Variants in EPHB1 observed in about 807,000 individuals in gnomAD.
EPHB1 encodes the protein EPH receptor B1, also known as ephrin type-B receptor 1.
Under a neutral mutation model 94.4 loss-of-function variants are expected in EPHB1, and 30 were observed. That is an observed-to-expected ratio of 0.32 (90% CI 0.24 to 0.43). The LOEUF is 0.43. EPHB1 is among the 20% of genes least tolerant of loss of function. The pLI, the probability that EPHB1 is intolerant of heterozygous loss-of-function variation, is 1.00. For missense variants in EPHB1, 1,055 were observed against 1,308.3 expected (o/e 0.81, Z 2.99); for synonymous variants, 522 against 489.1 (o/e 1.07, Z -0.89).
intron 4 of EPHB1, among the ~76,000 whole-genome samples, chr3:135,130,585 T>C (rs1037940717): frequency 2.0e-5 from 3 of 152,112 alleles, no homozygotes; most frequent in African/African-American, 4.8e-5. Flanking sequence ...TGAGTTTACA[T>C]TGAGAAGCTG....
chr3:135,055,287 A>C (rs1937316623), intron 3 of EPHB1, among the ~76,000 whole-genome samples: 1 of 152,198 alleles, frequency 6.6e-6, no homozygotes, highest in Non-Finnish European at 1.5e-5. Flanking sequence ...CTTAAATCTC[A>C]GTCTGCCTTT....
At chr3:134,804,389 T>G (rs541564002) in intron 1 of EPHB1, among the ~76,000 whole-genome samples, 23 of 151,830 alleles carry the variant, frequency 1.5e-4, no homozygotes, top group African/African-American at 4.8e-4. Context: ...TCCCTTGGCG[T>G]TGGTCCCTCC....
At chr3:135,251,505 A>AAATT (rs1265709458) in intron 15 of EPHB1, among the ~76,000 whole-genome samples, 1 of 152,238 alleles carries the variant, frequency 6.6e-6, no homozygotes, top group African/African-American at 2.4e-5. Context: ...GTGAAACTAT[A>AAATT]AATTAAGGGA....
At chr3:134,984,953 G>A (rs879675039) in intron 3 of EPHB1, among the ~76,000 whole-genome samples, 14 of 152,112 alleles carry the variant, frequency 9.2e-5, no homozygotes, top group Non-Finnish European at 1.9e-4. Flanking sequence ...AGAGAGCTTG[G>A]TGGCATCAAA....
chr3:135,108,916 A>G (rs1939331354), intron 4 of EPHB1, among the ~76,000 whole-genome samples: 1 of 152,186 alleles, frequency 6.6e-6, no homozygotes, highest in Admixed American at 6.5e-5. Flanking sequence ...ACAGACTACC[A>G]GGACAGTGGG....
At chr3:135,038,856 G>A (rs1481087712) in intron 3 of EPHB1, among the ~76,000 whole-genome samples, 1 of 150,274 alleles carries the variant, frequency 6.7e-6, no homozygotes, top group Admixed American at 6.6e-5. Flanking sequence ...CCAGCGGGTT[G>A]CCAATGCTGG....
intron 12 of EPHB1, among the ~76,000 whole-genome samples, chr3:135,205,566 A>G (rs1942879853): frequency 6.6e-6 from 1 of 152,136 alleles, no homozygotes; most frequent in Non-Finnish European, 1.5e-5. Context: ...TTTGTTTTAT[A>G]TTTGAATATT....
chr3:135,106,391 AAG>A, intron 3 of EPHB1, 55 bp from the exon 4 acceptor site: 1 of 1,596,616 alleles, frequency 6.3e-7, no homozygotes, highest in Non-Finnish European at 8.6e-7. Context: ...GGTTGTAGGG[AAG>A]AGTTTCTGGC....
At chr3:135,066,272 C>T (rs1937579263) in intron 3 of EPHB1, among the ~76,000 whole-genome samples, 1 of 152,236 alleles carries the variant, frequency 6.6e-6, no homozygotes, top group South Asian at 2.1e-4. Flanking sequence ...ATGTTTTCCT[C>T]AATTATTTCC....
intron 11 of EPHB1, among the ~76,000 whole-genome samples, chr3:135,196,752 C>T (rs984059015): frequency 2.0e-5 from 3 of 152,064 alleles, no homozygotes; most frequent in African/African-American, 4.8e-5. Flanking sequence ...CTGGTCATAG[C>T]GTCTTTGGAG....
intron 3 of EPHB1, among the ~76,000 whole-genome samples, chr3:135,056,478 G>A (rs61502200): frequency 0.015 from 2,263 of 152,340 alleles, 69 homozygotes; most frequent in African/African-American, 0.052. Context: ...CTGATGTGAT[G>A]CTCTCTGTTT....
intron 1 of EPHB1, among the ~76,000 whole-genome samples, chr3:134,925,257 C>T (rs1399783704): frequency 1.3e-5 from 2 of 152,058 alleles, no homozygotes; most frequent in African/African-American, 4.8e-5. Context: ...GCTATGTGAG[C>T]CCTTTGGAGT....
At chr3:134,928,303 A>G (rs1469018439) in intron 2 of EPHB1, among the ~76,000 whole-genome samples, 1 of 152,204 alleles carries the variant, frequency 6.6e-6, no homozygotes, top group Non-Finnish European at 1.5e-5. Flanking sequence ...ATACCCCATC[A>G]CAGGTCTTCT....
chr3:134,980,668 T>G (rs1934368761), intron 3 of EPHB1, among the ~76,000 whole-genome samples: 1 of 152,154 alleles, frequency 6.6e-6, no homozygotes, highest in Non-Finnish European at 1.5e-5. Context: ...ATTGTTCCAT[T>G]TAGTTCTCCC....
At chr3:135,042,833 ATTTAT>A (rs921703991) in intron 3 of EPHB1, among the ~76,000 whole-genome samples, 1 of 152,060 alleles carries the variant, frequency 6.6e-6, no homozygotes, top group Non-Finnish European at 1.5e-5. Context: ...GTATGTATTT[ATTTAT>A]TTTTTATTTT....
chr3:134,956,614 A>G (rs2107719016), intron 3 of EPHB1, among the ~76,000 whole-genome samples: 1 of 152,124 alleles, frequency 6.6e-6, no homozygotes, highest in Non-Finnish European at 1.5e-5. Context: ...TAACCTAAAG[A>G]TAGGGGCTGG....
At chr3:134,960,786 C>T (rs1382623116) in intron 3 of EPHB1, among the ~76,000 whole-genome samples, 1 of 152,214 alleles carries the variant, frequency 6.6e-6, no homozygotes, top group African/African-American at 2.4e-5. Context: ...AGGCCAAACC[C>T]AGCCCTGATG....
intron 3 of EPHB1, among the ~76,000 whole-genome samples, chr3:135,072,627 G>C (rs1212126153): frequency 6.6e-6 from 1 of 152,094 alleles, no homozygotes; most frequent in African/African-American, 2.4e-5. Flanking sequence ...CACTGCCTCA[G>C]GGCCTTTGCA....
chr3:135,163,765 C>G (rs934725770), intron 7 of EPHB1, among the ~76,000 whole-genome samples: 2 of 152,174 alleles, frequency 1.3e-5, no homozygotes, highest in Admixed American at 1.3e-4. Flanking sequence ...TTTGCAAACC[C>G]AAGAGGGGCT....
Sources: gnomAD v4.1 joint callset for allele counts (sites outside exome capture counted in the v4.1 genomes callset) on GRCh38, gnomAD v4.1.1 for gene constraint, MANE v1.5 for transcripts, NCBI Gene and HGNC (gene_info 2026-07-23, HGNC 2026-07-21) for gene names.